The following CPNE9 variants were observed in gnomAD, a reference collection of about 807,000 sequenced individuals.
The protein encoded by CPNE9 is copine family member 9.
CPNE9 carries 59 observed loss-of-function variants against 83.0 expected under a neutral mutation model. The observed-to-expected ratio is 0.71, with a 90% confidence interval of 0.58 to 0.88. The LOEUF (loss-of-function observed/expected upper bound fraction) is 0.88, where lower values mean the gene tolerates loss of function less well. Among genes scored for constraint, CPNE9 ranks in the 40% least tolerant of loss-of-function variants. The pLI is 0.00. For synonymous variants in CPNE9, 256 were observed against 273.4 expected (o/e 0.94, Z 0.63); for missense variants, 619 against 720.8 (o/e 0.86, Z 1.62).
chr3:9,724,188 C>CTTTTTTTTTT (rs201939446), intron 17 of CPNE9, among the ~76,000 whole-genome samples: 1 of 136,460 alleles, frequency 7.3e-6, no homozygotes. Context: ...CTCTCTAGGT[C>CTTTTTTTTTT]TTTTTTTTTT....
At chr3:9,719,959 C>T (rs1373394517) in intron 17 of CPNE9, among the ~76,000 whole-genome samples, 1 of 151,424 alleles carries the variant, frequency 6.6e-6, no homozygotes, top group African/African-American at 2.4e-5. Context: ...CCACTGCACT[C>T]CAACCTGGGC....
At chr3:9,720,336 T>C (rs2076723434) in intron 17 of CPNE9, among the ~76,000 whole-genome samples, 1 of 152,094 alleles carries the variant, frequency 6.6e-6, no homozygotes, top group Non-Finnish European at 1.5e-5. Context: ...GTGAGATTTA[T>C]ATGTCCATAG....
chr3:9,719,328 G>A (rs1362858204), intron 17 of CPNE9, among the ~76,000 whole-genome samples: 1 of 152,106 alleles, frequency 6.6e-6, no homozygotes, highest in South Asian at 2.1e-4. Flanking sequence ...GCGGCACAAA[G>A]GGTGTCAGCA....
At chr3:9,710,522 C>A (rs1280401585) in intron 7 of CPNE9, among the ~76,000 whole-genome samples, 5 of 152,154 alleles carry the variant, frequency 3.3e-5, no homozygotes, top group Non-Finnish European at 7.4e-5. Flanking sequence ...TGCCATCTAC[C>A]AGAACTGGAG....
chr3:9,712,884 G>T, intron 9 of CPNE9, 56 bp downstream of exon 9: 1 of 1,573,574 alleles, frequency 6.4e-7, no homozygotes, highest in Non-Finnish European at 8.7e-7. Context: ...CTTAACAAGT[G>T]GGGGAATCTC....
chr3:9,707,219 G>A (rs552682647), intron 7 of CPNE9, among the ~76,000 whole-genome samples: 4 of 151,944 alleles, frequency 2.6e-5, no homozygotes, highest in African/African-American at 9.7e-5. Flanking sequence ...TAGGCATGGT[G>A]GTGGGTGCCT....
chr3:9,707,030 C>T (rs2076570750), intron 7 of CPNE9, among the ~76,000 whole-genome samples: 1 of 152,048 alleles, frequency 6.6e-6, no homozygotes, highest in Admixed American at 6.6e-5. Flanking sequence ...TGGCGGCTTA[C>T]AAAAGATGGT....
intron 15 of CPNE9, among the ~76,000 whole-genome samples, 178 bp from the exon 16 acceptor site, chr3:9,717,851 G>A (rs1482270116): frequency 6.6e-6 from 1 of 152,132 alleles, no homozygotes; most frequent in African/African-American, 2.4e-5. Context: ...TAGATATAGG[G>A]ATGGGTGGGT....
chr3:9,709,765 G>A (rs192582954), intron 7 of CPNE9, among the ~76,000 whole-genome samples: 117 of 151,800 alleles, frequency 7.7e-4, no homozygotes, highest in East Asian at 6.5e-3. Context: ...GGAGGCAGGT[G>A]TATCACCTGA....
chr3:9,722,477 C>T (rs2076743632), intron 17 of CPNE9, among the ~76,000 whole-genome samples: 1 of 151,980 alleles, frequency 6.6e-6, no homozygotes, highest in African/African-American at 2.4e-5. Flanking sequence ...TCCTGTGCCC[C>T]CAAACCCTTC....
chr3:9,707,791 CAA>C (rs57310594), intron 7 of CPNE9, among the ~76,000 whole-genome samples: 32 of 49,644 alleles, frequency 6.4e-4, no homozygotes, highest in African/African-American at 1.2e-3. Flanking sequence ...ACAAAAAAGA[CAA>C]AAAAAAAAAA....
At position 9,705,978 on chromosome 3, in the gene CPNE9, C is replaced by G; in HGVS notation, c.301-9C>G. On this transcript the variant is annotated splice_polypyrimidine_tract_variant and intron_variant, in intron 6 of 20. Transcript: ENST00000383832. ...GCTTCTGGTCTTGCTGACTCCTTGT[C>G]CTGCATAGGATTTCCTGGGACAAGC... 1 of 1,613,004 alleles carries G rather than the reference C, an allele frequency of 6.2e-7. No individual in the cohort carries two copies.
rs1575115195 is a variant in CPNE9 at position 9,706,214 on chromosome 3, T to A, written c.377+151T>A. ...CATCACCCTCGTAGAAAAGTCCAAT[T>A]TCCAGTGCTCTGCCCGAGTCAGTAT... On this transcript the variant is annotated intron_variant, in intron 7 of 20. Transcript: ENST00000383832. The A allele has an allele frequency of 4.6e-6, 3 of 649,392 alleles. No homozygotes were observed. The East Asian group carries it at 8.2e-5, about 18-fold the overall frequency. The allele number at this position is 649,392 out of a possible 1,614,324, so 40.2% of individuals were successfully genotyped here.
At chr3:9,719,172 T>G (rs1486298865) in intron 17 of CPNE9, among the ~76,000 whole-genome samples, 1 of 152,092 alleles carries the variant, frequency 6.6e-6, no homozygotes, top group Non-Finnish European at 1.5e-5. Context: ...TTAAAAAAAT[T>G]AAAGTATACA....
At chr3:9,728,242 C>G (rs144715054) in intron 20 of CPNE9, among the ~76,000 whole-genome samples, 2 of 152,282 alleles carry the variant, frequency 1.3e-5, no homozygotes, top group African/African-American at 4.8e-5. Context: ...AATCCCAACA[C>G]TTTGGTAGGC....
intron 17 of CPNE9, among the ~76,000 whole-genome samples, chr3:9,722,514 CTT>C (rs879422539): frequency 1.4e-5 from 2 of 145,252 alleles, no homozygotes; most frequent in Non-Finnish European, 1.5e-5. Flanking sequence ...TTCTACAGTT[CTT>C]TTTTTTTTTT....
Position 9,704,767 on chromosome 3 carries a change from A to G in CPNE9, c.128A>G (p.Gln43Arg). The change falls in exon 3 of 21, where the codon CAG (glutamine) becomes CGG (arginine). Residue 43 changes from glutamine to arginine, a missense_variant. Around this residue, in one of 3 missense-constraint regions of CPNE9, gnomAD observed 130 missense variants for 117.5 expected, o/e 1.11. Coordinates refer to ENST00000383832, the MANE Select transcript of CPNE9 (RefSeq NM_153635.3). The surrounding 1 kb of genome is among the most constrained non-coding windows in gnomAD (Gnocchi z 7.1). Reference sequence around the variant, plus strand: ...CCTGCAGTGGTGGTGCTTTACACGCAGAGCCGGGCCAGCCAGGAGTGGCGG... The same window carrying G: ...CCTGCAGTGGTGGTGCTTTACACGCGGAGCCGGGCCAGCCAGGAGTGGCGG... ...KSDPMVVLYT[Q>R]SRASQEWREF... The G allele has an allele frequency of 6.2e-7, 1 of 1,611,780 alleles. No individual in the cohort carries two copies. The highest frequency in any genetic ancestry group is 1.8e-4 in the Middle Eastern group (1 of 5,646).
intron 19 of CPNE9, 27 bp downstream of exon 19, chr3:9,726,749 G>A: frequency 6.2e-7 from 1 of 1,607,530 alleles, no homozygotes; most frequent in Non-Finnish European, 8.5e-7. Flanking sequence ...GTCCCTGAGT[G>A]GGACTAAGAA....
At chr3:9,705,355 C>T (rs1234808532) in intron 4 of CPNE9, 109 bp from the exon 5 acceptor site, 1 of 822,118 alleles carries the variant, frequency 1.2e-6, no homozygotes, top group Non-Finnish European at 2.0e-6. Flanking sequence ...TTCGGGTCCA[C>T]GGCCGCCCAT....
Sources: gnomAD v4.1 joint callset for allele counts (sites outside exome capture counted in the v4.1 genomes callset) on GRCh38, gnomAD v4.1.1 for gene constraint, gnomAD v4.1.1 regional missense constraint, Gnocchi (gnomAD v3.1) non-coding constraint, MANE v1.5 for transcripts, NCBI Gene and HGNC (gene_info 2026-07-23, HGNC 2026-07-21) for gene names.